The following SGCD variants were observed in gnomAD, a reference collection of about 807,000 sequenced individuals.
The protein encoded by SGCD is sarcoglycan delta, also known as delta-sarcoglycan.
A neutral mutation model predicts 36.6 loss-of-function variants in SGCD; 18 were observed. That is an observed-to-expected ratio of 0.49 (90% CI 0.34 to 0.73). The LOEUF (loss-of-function observed/expected upper bound fraction) is 0.73, where lower values mean the gene tolerates loss of function less well. Among genes scored for constraint, SGCD ranks in the 30% least tolerant of loss-of-function variants. SGCD has a pLI of 0.01. For missense variants in SGCD, 387 were observed against 346.7 expected, an observed-to-expected ratio of 1.12 and a Z score of -0.92; for synonymous variants, 133 against 130.6, an observed-to-expected ratio of 1.02 and a Z score of -0.12.
chr5:156,675,299 G>A (rs1226976360), intron 7 of SGCD, among the ~76,000 whole-genome samples: 2 of 152,212 alleles, frequency 1.3e-5, no homozygotes, highest in East Asian at 1.9e-4. Flanking sequence ...CTTAATAAAT[G>A]TTAATTTCAG....
intron 7 of SGCD, among the ~76,000 whole-genome samples, chr5:156,753,107 C>T (rs765941107): frequency 1.2e-4 from 19 of 152,176 alleles, no homozygotes; most frequent in Non-Finnish European, 2.6e-4. Flanking sequence ...TGTGGGCACC[C>T]CTCTAGACTT....
the SGCD span, among the ~76,000 whole-genome samples, chr5:155,763,528 T>C: frequency 1.3e-5 from 2 of 152,146 alleles, no homozygotes; most frequent in Non-Finnish European, 2.9e-5. Flanking sequence ...TTTGAGAATG[T>C]CTGATGGGAT....
chr5:155,906,280 A>G (rs1202857673), intron 1 of SGCD, among the ~76,000 whole-genome samples: 7 of 152,006 alleles, frequency 4.6e-5, no homozygotes, highest in Non-Finnish European at 1.0e-4. Flanking sequence ...GAGCTTCCCT[A>G]TTCCCTGAGA....
intron 1 of SGCD, among the ~76,000 whole-genome samples, chr5:155,979,885 G>T (rs1377651512): frequency 6.6e-6 from 1 of 152,182 alleles, no homozygotes; most frequent in Non-Finnish European, 1.5e-5. Context: ...TAATGCATAT[G>T]TCCTCTCCAC....
intron 4 of SGCD, among the ~76,000 whole-genome samples, chr5:156,575,748 T>C (rs1009183235): frequency 7.3e-6 from 1 of 137,862 alleles, no homozygotes; most frequent in African/African-American, 2.4e-5. Context: ...ACATGTACTT[T>C]AAGCAAAAAA....
intron 4 of SGCD, among the ~76,000 whole-genome samples, chr5:156,524,771 C>T (rs1042584690): frequency 3.3e-5 from 5 of 151,896 alleles, no homozygotes; most frequent in African/African-American, 9.7e-5. Flanking sequence ...TCACTAACAA[C>T]CCTTCTACTC....
At chr5:156,532,445 AATT>A (rs1447886669) in intron 4 of SGCD, among the ~76,000 whole-genome samples, 3 of 151,990 alleles carry the variant, frequency 2.0e-5, no homozygotes, top group African/African-American at 7.3e-5. Flanking sequence ...GCTAATGTAA[AATT>A]ATCTTGTTTA....
intron 3 of SGCD, among the ~76,000 whole-genome samples, chr5:156,407,681 G>A (rs1772498383): frequency 6.6e-6 from 1 of 152,168 alleles, no homozygotes; most frequent in African/African-American, 2.4e-5. Flanking sequence ...TTGTTTAATT[G>A]AAAGGAAAAG....
At chr5:156,314,229 AG>A (rs1767458209) in intron 3 of SGCD, among the ~76,000 whole-genome samples, 2 of 152,016 alleles carry the variant, frequency 1.3e-5, no homozygotes, top group African/African-American at 4.8e-5. Context: ...GTGATGTTCG[AG>A]GCTATACTAA....
At chr5:156,699,511 C>T (rs1581419606) in intron 7 of SGCD, among the ~76,000 whole-genome samples, 3 of 151,860 alleles carry the variant, frequency 2.0e-5, no homozygotes, top group Non-Finnish European at 2.9e-5. Context: ...TTGAAATTAC[C>T]TAGCCAGTCA....
chr5:156,444,904 G>A (rs190840188), intron 3 of SGCD, among the ~76,000 whole-genome samples: 3 of 152,136 alleles, frequency 2.0e-5, no homozygotes, highest in Non-Finnish European at 2.9e-5. Flanking sequence ...GATAGATGGG[G>A]CTAAGTAGTT....
intron 3 of SGCD, among the ~76,000 whole-genome samples, chr5:156,188,537 C>T (rs1366305154): frequency 1.3e-5 from 2 of 152,038 alleles, no homozygotes; most frequent in East Asian, 1.9e-4. Context: ...AGAGCCTTTC[C>T]TTCCTCAGCA....
chr5:156,361,700 T>C (rs17053470), intron 3 of SGCD, among the ~76,000 whole-genome samples: 5,249 of 152,286 alleles, frequency 0.034, 234 homozygotes, highest in African/African-American at 0.096. Context: ...AAATCATCAT[T>C]ACTGTAAGAA....
intron 3 of SGCD, among the ~76,000 whole-genome samples, chr5:156,305,651 G>T (rs185030506): frequency 6.6e-6 from 1 of 152,282 alleles, no homozygotes; most frequent in East Asian, 1.9e-4. Context: ...TCATCCTCCA[G>T]ACCCCAGAAT....
chr5:156,551,032 T>C (rs1447767331), intron 4 of SGCD, among the ~76,000 whole-genome samples: 1 of 152,130 alleles, frequency 6.6e-6, no homozygotes, highest in Non-Finnish European at 1.5e-5. Flanking sequence ...TCATTCCTCA[T>C]ACTCAACAGG....
intron 3 of SGCD, among the ~76,000 whole-genome samples, chr5:156,493,632 A>T (rs773367963): frequency 6.6e-6 from 1 of 152,118 alleles, no homozygotes; most frequent in Admixed American, 6.6e-5. Flanking sequence ...AATACCTGGC[A>T]TGGTAGTTAA....
the SGCD span, among the ~76,000 whole-genome samples, chr5:155,774,110 A>G: frequency 6.6e-6 from 1 of 152,156 alleles, no homozygotes; most frequent in Non-Finnish European, 1.5e-5. Flanking sequence ...ATGTAAGAGA[A>G]GCGACTGAGG....
upstream of SGCD, chr5:156,327,127 C>A (rs537378337): frequency 6.6e-6 from 1 of 152,288 alleles, no homozygotes; most frequent in East Asian, 1.9e-4. Flanking sequence ...CAGGCTGGGC[C>A]TGCACACACT....
At chr5:156,503,016 T>C (rs1342359229) in intron 3 of SGCD, among the ~76,000 whole-genome samples, 1 of 152,086 alleles carries the variant, frequency 6.6e-6, no homozygotes, top group Admixed American at 6.5e-5. Flanking sequence ...TAAGCAAGAA[T>C]AGGAAATCCT....
Sources: allele counts gnomAD v4.1 joint callset (sites outside exome capture counted in the v4.1 genomes callset), GRCh38; gene constraint gnomAD v4.1.1; transcripts MANE v1.5; gene names NCBI Gene and HGNC (gene_info 2026-07-23, HGNC 2026-07-21).